Variants in ATAD3A observed in about 807,000 individuals in gnomAD.
ATAD3A encodes the protein ATPase family AAA domain-containing protein 3A.
ATAD3A carries 46 observed loss-of-function variants against 73.8 expected under a neutral mutation model. That is an observed-to-expected ratio of 0.62 (90% CI 0.49 to 0.80). The LOEUF (loss-of-function observed/expected upper bound fraction) is 0.80. Ranked by LOEUF, ATAD3A falls within the 30% of genes least tolerant of loss-of-function variation. The probability of loss-of-function intolerance (pLI) is 0.00; values close to 1 mark genes in which losing one functional copy is unlikely to be tolerated. For synonymous variants in ATAD3A, 319 were observed against 350.0 expected (o/e 0.91, Z 0.99); for missense variants, 705 against 838.0 (o/e 0.84, Z 1.96).
chr1:1,527,349 C>G, intron 13 of ATAD3A: 1 of 1,077,934 alleles, frequency 9.3e-7, no homozygotes, highest in Non-Finnish European at 1.2e-6. Flanking sequence ...TGAGGTCCTG[C>G]TCCTGGCACG....
At chr1:1,526,310 C>T in intron 12 of ATAD3A, 151 bp from the exon 13 acceptor site, 1 of 1,502,694 alleles carries the variant, frequency 6.7e-7, no homozygotes, top group Admixed American at 2.2e-5. Flanking sequence ...TGAGCCACCG[C>T]CCCTGGCCCT....
Position 1,520,227 on chromosome 1 carries a change from C to G in ATAD3A, c.601C>G (p.Arg201Gly). The G allele has an allele frequency of 6.2e-7, 1 of 1,612,406 alleles. No homozygotes were observed. Among genetic ancestry groups the G allele is most frequent in the Non-Finnish European group, 8.5e-7 (1 of 1,179,712 alleles). ...AEARARAKAE[R>G]ENADIIREQI... The stretch of plus-strand genomic sequence containing the variant: ...GGCCCGGGCGCGCGCCAAGGCCGAG[C>G]GGGAGAATGCAGACATCATCCGCGA... The change falls in exon 6 of 16, where the codon CGG (arginine) becomes GGG (glycine). Residue 201 changes from arginine (R) to glycine (G), a missense_variant. By Grantham distance (125) the Arg-to-Gly change is moderately radical (BLOSUM62 -2). This residue lies in a region of ATAD3A where 315 missense variants were observed against 334.1 expected (regional missense o/e 0.94). Coordinates refer to ENST00000378756, the MANE Select transcript of ATAD3A (RefSeq NM_001170535.3). This position sits in a 1 kb window ranked among gnomAD's most constrained non-coding sequence, Gnocchi z 4.0.
intron 13 of ATAD3A, chr1:1,527,379 T>C: frequency 9.2e-7 from 1 of 1,085,552 alleles, no homozygotes; most frequent in Non-Finnish European, 1.2e-6. Context: ...CTTCTCGACA[T>C]GGACTCCGGG....
Position 1,520,442 on chromosome 1 carries a change from C to T in ATAD3A, c.681-106C>T, listed in dbSNP as rs1570332368. On this transcript the variant is annotated intron_variant, in intron 6 of 15. Coordinates refer to ENST00000378756, the MANE Select transcript of ATAD3A (RefSeq NM_001170535.3). This position sits in a 1 kb window ranked among gnomAD's most constrained non-coding sequence, Gnocchi z 4.0. ...CTTGGTGGGGGCACTGCCCCTCTGT[C>T]CTGGCAAGGCCGTGCCGCCATGTCA... 1 of 1,603,618 alleles carries T rather than the reference C, an allele frequency of 6.2e-7. No individual in the cohort carries two copies. The highest frequency in any genetic ancestry group is 8.5e-7 in the Non-Finnish European group (1 of 1,173,026).
At chr1:1,522,585 T>C (rs758668274) in intron 7 of ATAD3A, among the ~76,000 whole-genome samples, 159 bp from the exon 8 acceptor site, 22 of 152,158 alleles carry the variant, frequency 1.4e-4, no homozygotes, top group Non-Finnish European at 2.6e-4. Context: ...CGCGTGGCTG[T>C]GGGATTCGGG....
intron 15 of ATAD3A, among the ~76,000 whole-genome samples, chr1:1,532,388 T>G (rs1398869041): frequency 6.6e-6 from 1 of 152,236 alleles, no homozygotes; most frequent in Admixed American, 6.5e-5. Flanking sequence ...AATTCACATG[T>G]GAAGACATCA....
In ATAD3A at chr1:1,520,066, G is replaced by T; in HGVS notation, c.515-75G>T. On this transcript the variant is annotated intron_variant, in intron 5 of 15. Transcript: ENST00000378756. The surrounding 1 kb of genome is among the most constrained non-coding windows in gnomAD (Gnocchi z 4.0). ...GTGGCGTGGGCCGGTCCGTGGCGTG[G>T]GCCGGTCCACAGTGTGGGTGGAGGT... 1 of 1,550,398 alleles carries T rather than the reference G, an allele frequency of 6.4e-7. No homozygotes were observed. The highest frequency in any genetic ancestry group is 8.7e-7 in the Non-Finnish European group (1 of 1,147,700).
rs200007529 is a variant in ATAD3A, at chr1:1,523,608, G to C, written c.963+41G>C. On this transcript the variant is annotated intron_variant, in intron 9 of 15. Transcript: ENST00000378756. The surrounding 1 kb of genome is among the most constrained non-coding windows in gnomAD (Gnocchi z 5.1). ...TGGGACCGGGGAGGCGCAGGGAGGG[G>C]ACCCTGGAGCTGGGCCGGGCTGTGG... 7.9e-5 allele frequency: 128 copies of C among 1,611,780 alleles called. No homozygotes were observed. In the Middle Eastern group the frequency reaches 2.4e-3, roughly 30 times the overall value.
chr1:1,533,981 G>C lies in ATAD3A; in HGVS notation c.1670G>C (p.Arg557Pro). 6.2e-7 allele frequency: 1 copy of C among 1,613,544 alleles called. No individual in the cohort carries two copies. Among genetic ancestry groups the C allele is most frequent in the Non-Finnish European group, 8.5e-7 (1 of 1,179,948 alleles). ...CTGACCGAGGCCATGATGGACACCC[G>C]CGTGCAAGATGCTGTCCAGCAGCAC... ...GVLTEAMMDT[R>P]VQDAVQQHQQ... is the part of the protein sequence containing the mutation. The change falls in exon 16 of 16, where the codon CGC becomes CCC. Residue 557 changes from arginine to proline, a missense_variant. This residue lies in a region of ATAD3A where 252 missense variants were observed against 278.5 expected (regional missense o/e 0.90). Coordinates refer to ENST00000378756, the MANE Select transcript of ATAD3A (RefSeq NM_001170535.3).
rs1479063782 is a variant in ATAD3A, at chr1:1,527,681, TC to T, written c.1338-10del. 46 of 1,603,392 alleles carry T rather than the reference TC, an allele frequency of 2.9e-5. No individual in the cohort carries two copies. The highest frequency in any genetic ancestry group is 3.9e-5 in the Non-Finnish European group (46 of 1,173,710). On this transcript the variant is annotated splice_polypyrimidine_tract_variant and intron_variant, in intron 13 of 15. Coordinates refer to ENST00000378756, the MANE Select transcript of ATAD3A (RefSeq NM_001170535.3). ...GGCAGCCCCAGCATCCTCATCCTCA[TC>T]CCCGCCCCGCAGGTTCATGCTGGTC...
At chr1:1,521,681 T>C (rs897677571) in intron 7 of ATAD3A, among the ~76,000 whole-genome samples, 5 of 152,372 alleles carry the variant, frequency 3.3e-5, no homozygotes, top group Admixed American at 2.0e-4. Context: ...ATGACGGAGC[T>C]GCTTAATGCG....
In ATAD3A at chr1:1,525,354, GC is replaced by G; in HGVS notation, c.1266+65del. ...GGGGTGGGCACAGCCGTCTGCCTGG[GC>G]CAGGCTGCAGCCCTCTGTTCAGTTT... On this transcript the variant is annotated intron_variant, in intron 12 of 15. Coordinates refer to ENST00000378756, the MANE Select transcript of ATAD3A (RefSeq NM_001170535.3). 1.9e-6 allele frequency: 3 copies of G among 1,596,594 alleles called. 1 individual carries two copies. In the South Asian group the frequency reaches 3.3e-5, roughly 18 times the overall value.
chr1:1,525,228 T>C lies in ATAD3A; in HGVS notation c.1215-12T>C. ...TCACTCTCGCCCTGCTTGGCCTCCCTCTCGTTCACAGCCTCCTGCTCTTTG... is the reference window on the plus strand; with the variant it reads ...TCACTCTCGCCCTGCTTGGCCTCCCCCTCGTTCACAGCCTCCTGCTCTTTG... On this transcript the variant is annotated splice_polypyrimidine_tract_variant and intron_variant, in intron 11 of 15. Coordinates refer to ENST00000378756, the MANE Select transcript of ATAD3A (RefSeq NM_001170535.3). The C allele has an allele frequency of 6.2e-7, 1 of 1,613,630 alleles. No individual in the cohort carries two copies. The highest frequency in any genetic ancestry group is 8.5e-7 in the Non-Finnish European group (1 of 1,179,894).
rs748294449 is a variant in ATAD3A at position 1,520,336 on chromosome 1, C to T, written c.680+30C>T. 6.2e-7 allele frequency: 1 copy of T among 1,605,818 alleles called. No homozygotes were observed. Among genetic ancestry groups the T allele is most frequent in the Admixed American group, 1.7e-5 (1 of 59,860 alleles). On this transcript the variant is annotated intron_variant, in intron 6 of 15. Coordinates refer to ENST00000378756, the MANE Select transcript of ATAD3A (RefSeq NM_001170535.3). The surrounding 1 kb of genome is among the most constrained non-coding windows in gnomAD (Gnocchi z 4.0). Reference sequence around the variant, plus strand: ...GCACTGCCGAGGCCCGGGCCGGCCACAGATGGAGCCCCGCAGGTGTGAGTC... The same window carrying T: ...GCACTGCCGAGGCCCGGGCCGGCCATAGATGGAGCCCCGCAGGTGTGAGTC...
chr1:1,532,120 C>G (rs897925324), intron 15 of ATAD3A, among the ~76,000 whole-genome samples: 4 of 152,152 alleles, frequency 2.6e-5, no homozygotes, highest in Admixed American at 2.6e-4. Flanking sequence ...GTTGAACTAT[C>G]CTTGCATTCC....
At chr1:1,519,516 C>G (rs1400948611) in intron 5 of ATAD3A, among the ~76,000 whole-genome samples, 1 of 63,632 alleles carries the variant, frequency 1.6e-5, no homozygotes, top group Non-Finnish European at 3.2e-5. Flanking sequence ...GCGTGAGCCT[C>G]TGCGTTCTGC....
chr1:1,519,871 A>G (rs1475451017), intron 5 of ATAD3A, among the ~76,000 whole-genome samples: 1 of 152,134 alleles, frequency 6.6e-6, no homozygotes, highest in Non-Finnish European at 1.5e-5. Flanking sequence ...TGTCCCTACC[A>G]AGGTCTGTGT....
In ATAD3A at chr1:1,527,670, C is replaced by G. The variant is rs772178875; in HGVS notation, c.1338-25C>G. The stretch of plus-strand genomic sequence containing the variant: ...GCAGCTCGGCCGGCAGCCCCAGCAT[C>G]CTCATCCTCATCCCCGCCCCGCAGG... On this transcript the variant is annotated intron_variant, in intron 13 of 15. Coordinates refer to ENST00000378756, the MANE Select transcript of ATAD3A (RefSeq NM_001170535.3). 8 of 1,595,980 alleles carry G rather than the reference C, an allele frequency of 5.0e-6. No homozygotes were observed. The East Asian group carries it at 1.6e-4, about 31-fold the overall frequency.
rs1047407870 is a variant in ATAD3A at position 1,520,014 on chromosome 1, G to T, written c.515-127G>T. 8.7e-6 allele frequency: 12 copies of T among 1,373,264 alleles called. No homozygotes were observed. Among genetic ancestry groups the T allele is most frequent in the Non-Finnish European group, 1.1e-5 (11 of 1,046,724 alleles). 85.1% of individuals were successfully genotyped at this position (1,373,264 alleles called of 1,614,324 possible). A position where few individuals can be genotyped will look rare whatever the true frequency, so the allele number is the denominator to read the frequency against. On this transcript the variant is annotated intron_variant, in intron 5 of 15. Transcript: ENST00000378756. The surrounding 1 kb of genome is among the most constrained non-coding windows in gnomAD (Gnocchi z 4.0). ...CATGGCGTGGGCCGGTCCGTGGCATGGGCCTGTCTGTGGCGTTGGTCTGTC... is the reference window on the plus strand; with the variant it reads ...CATGGCGTGGGCCGGTCCGTGGCATTGGCCTGTCTGTGGCGTTGGTCTGTC...
Sources: gnomAD v4.1 joint callset for allele counts (sites outside exome capture counted in the v4.1 genomes callset) on GRCh38, gnomAD v4.1.1 for gene constraint, gnomAD v4.1.1 regional missense constraint, Gnocchi (gnomAD v3.1) non-coding constraint, MANE v1.5 for transcripts, NCBI Gene and HGNC (gene_info 2026-07-23, HGNC 2026-07-21) for gene names.